DNM3: variants seen among roughly 807,000 people sequenced by gnomAD.
The protein encoded by DNM3 is dynamin-3.
DNM3 carries 47 observed loss-of-function variants against 101.6 expected under a neutral mutation model. The ratio of observed to expected loss-of-function variants is 0.46; its 90% CI spans 0.37 to 0.59. The LOEUF (loss-of-function observed/expected upper bound fraction) is 0.59. Ranked by LOEUF, DNM3 falls within the 20% of genes least tolerant of loss-of-function variation. The probability of loss-of-function intolerance (pLI) is 0.00; values close to 1 mark genes in which losing one functional copy is unlikely to be tolerated. For missense variants in DNM3, 849 were observed against 1,085.7 expected (o/e 0.78, Z 3.06); for synonymous variants, 385 against 387.9 (o/e 0.99, Z 0.09).
At chr1:172,283,011 G>T (rs1020544495) in intron 15 of DNM3, among the ~76,000 whole-genome samples, 4 of 152,172 alleles carry the variant, frequency 2.6e-5, no homozygotes, top group Admixed American at 6.5e-5. Context: ...TTCCTTTCCA[G>T]GTTCCAGCCA....
chr1:172,349,281 TG>T (rs1486959454), intron 17 of DNM3, among the ~76,000 whole-genome samples: 1 of 152,202 alleles, frequency 6.6e-6, no homozygotes, highest in Non-Finnish European at 1.5e-5. Flanking sequence ...AACTTCCTCA[TG>T]TGTAAACTGG....
chr1:171,878,289 A>AATTATT (rs2035958136), intron 1 of DNM3, among the ~76,000 whole-genome samples: 1 of 152,046 alleles, frequency 6.6e-6, no homozygotes, highest in Non-Finnish European at 1.5e-5. Flanking sequence ...GGGGATAGGG[A>AATTATT]CCTTGTTTCC....
chr1:172,085,441 T>C (rs1331497261), intron 12 of DNM3, among the ~76,000 whole-genome samples: 4 of 152,138 alleles, frequency 2.6e-5, no homozygotes, highest in Non-Finnish European at 5.9e-5. Context: ...TCTGCTCTTC[T>C]TCATTTGTTC....
At chr1:171,963,218 G>A (rs2043333598) in intron 2 of DNM3, among the ~76,000 whole-genome samples, 1 of 152,126 alleles carries the variant, frequency 6.6e-6, no homozygotes, top group Non-Finnish European at 1.5e-5. Context: ...AAAAAGAAAT[G>A]AGCCTTGAAG....
intron 15 of DNM3, among the ~76,000 whole-genome samples, chr1:172,265,090 C>T (rs998104143): frequency 6.6e-6 from 1 of 152,182 alleles, no homozygotes; most frequent in African/African-American, 2.4e-5. Flanking sequence ...GCTCCTGCTA[C>T]AGTTCCTGAC....
intron 15 of DNM3, among the ~76,000 whole-genome samples, chr1:172,291,098 C>T (rs2063895546): frequency 6.6e-6 from 1 of 152,040 alleles, no homozygotes; most frequent in Non-Finnish European, 1.5e-5. Context: ...TATAGAGTAG[C>T]AGGATTACAG....
chr1:172,308,328 A>G (rs988689010), intron 15 of DNM3, among the ~76,000 whole-genome samples: 2 of 152,162 alleles, frequency 1.3e-5, no homozygotes, highest in African/African-American at 4.8e-5. Context: ...ATTGCCGTGC[A>G]TCTTAAAGTT....
At chr1:172,061,682 A>T (rs2051224361) in intron 10 of DNM3, among the ~76,000 whole-genome samples, 1 of 123,682 alleles carries the variant, frequency 8.1e-6, no homozygotes, top group Admixed American at 1.1e-4. Flanking sequence ...GGAACATCAC[A>T]CCCTGGGGAC....
At chr1:171,862,216 C>A (rs542779150) in intron 1 of DNM3, among the ~76,000 whole-genome samples, 7 of 152,076 alleles carry the variant, frequency 4.6e-5, no homozygotes, top group African/African-American at 1.2e-4. Context: ...TTATACGAAA[C>A]AATTCAACTC....
intron 4 of DNM3, among the ~76,000 whole-genome samples, chr1:171,998,663 A>G (rs1383685883): frequency 2.6e-5 from 4 of 152,114 alleles, no homozygotes. Flanking sequence ...ACCCATTAGT[A>G]TAATGTCAGG....
At chr1:172,146,255 TAAAGCATTTGCTTTTCATAA>T (rs1572715569) in intron 14 of DNM3, among the ~76,000 whole-genome samples, 1 of 152,190 alleles carries the variant, frequency 6.6e-6, no homozygotes, top group African/African-American at 2.4e-5. Context: ...AGTACTGTCC[TAAAGCATTTGCTTTTCATAA>T]AATGGCCTCT....
intron 1 of DNM3, among the ~76,000 whole-genome samples, chr1:171,879,801 T>C (rs1463881662): frequency 6.6e-6 from 1 of 152,240 alleles, no homozygotes; most frequent in Non-Finnish European, 1.5e-5. Flanking sequence ...TATTCTACTT[T>C]AGCTGTGATT....
chr1:171,864,583 G>A (rs1008659653), intron 1 of DNM3: 2 of 152,126 alleles, frequency 1.3e-5, no homozygotes, highest in African/African-American at 2.4e-5. Flanking sequence ...CCTGAGCTTA[G>A]AAAAAGGGGC....
chr1:172,038,398 A>T lies in DNM3; in HGVS notation c.929A>T (p.Glu310Val). Residue 310 changes from glutamate to valine, a missense_variant, in exon 7 of 21, where the codon GAA becomes GTA. Glu to Val is a moderately radical substitution (Grantham distance 121, BLOSUM62 -2). Coordinates refer to ENST00000627582, the MANE Select transcript of DNM3 (RefSeq NM_015569.5). ...GGACAGTTGCTCTCCATAGAACATG[A>T]AGTAGAAGCCTACAAAAATTTCAAA... The part of the protein sequence containing the change: ...LQGQLLSIEH[E>V]VEAYKNFKPE... 6.2e-7 allele frequency: 1 copy of T among 1,613,460 alleles called. No individual in the cohort carries two copies. The highest frequency in any genetic ancestry group is 8.5e-7 in the Non-Finnish European group (1 of 1,179,584).
intron 14 of DNM3, among the ~76,000 whole-genome samples, chr1:172,248,017 T>C (rs1443852850): frequency 2.0e-5 from 3 of 152,130 alleles, no homozygotes; most frequent in Non-Finnish European, 4.4e-5. Context: ...ATAATCTCTT[T>C]TAAGTTCTAC....
At chr1:171,846,733 A>G (rs2032165149) in intron 1 of DNM3, among the ~76,000 whole-genome samples, 1 of 152,162 alleles carries the variant, frequency 6.6e-6, no homozygotes, top group Non-Finnish European at 1.5e-5. Context: ...AAGTTTTGCA[A>G]TTTATCCTAG....
intron 13 of DNM3, among the ~76,000 whole-genome samples, chr1:172,100,228 A>G (rs1481948952): frequency 6.6e-6 from 1 of 152,192 alleles, no homozygotes; most frequent in African/African-American, 2.4e-5. Context: ...AGGTAACTGG[A>G]TTATCAACCT....
chr1:172,029,211 A>G (rs2048424950), intron 4 of DNM3, among the ~76,000 whole-genome samples: 1 of 152,342 alleles, frequency 6.6e-6, no homozygotes, highest in South Asian at 2.1e-4. Context: ...CTTATCCACC[A>G]CAATTAAGTT....
chr1:171,841,567 A>G lies in DNM3; in HGVS notation c.-90A>G, dbSNP rs978500490. 2 of 1,457,538 alleles carry G rather than the reference A, an allele frequency of 1.4e-6. No homozygotes were observed. Among genetic ancestry groups the G allele is most frequent in the African/African-American group, 2.9e-5 (2 of 68,572 alleles). The allele number at this position is 1,457,538 out of a possible 1,614,324, so 90.3% of individuals were successfully genotyped here. ...GGACCTGGCTGGCTGAGCCCGGCGCAGCAGCAGCAGCCAGGGCAGCGCGGC... is the reference window on the plus strand; with the variant it reads ...GGACCTGGCTGGCTGAGCCCGGCGCGGCAGCAGCAGCCAGGGCAGCGCGGC... On this transcript the variant is annotated 5_prime_UTR_variant, in exon 1 of 21. Transcript: ENST00000627582.
Sources: allele counts gnomAD v4.1 joint callset (sites outside exome capture counted in the v4.1 genomes callset), GRCh38; gene constraint gnomAD v4.1.1; transcripts MANE v1.5; gene names NCBI Gene and HGNC (gene_info 2026-07-23, HGNC 2026-07-21).